ANOS1: variants seen among roughly 807,000 people sequenced by gnomAD.
The protein encoded by ANOS1 is anosmin-1.
Under a neutral mutation model 59.0 loss-of-function variants are expected in ANOS1, and 6 were observed. That is an observed-to-expected ratio of 0.10 (90% confidence interval 0.06 to 0.20). The LOEUF (loss-of-function observed/expected upper bound fraction) is 0.20, where lower values mean the gene tolerates loss of function less well. Ranked by LOEUF, ANOS1 falls within the 10% of genes least tolerant of loss-of-function variation. ANOS1 has a pLI of 1.00. For missense variants in ANOS1, 433 were observed against 542.3 expected (o/e 0.80, Z 2.00); for synonymous variants, 217 against 223.4 (o/e 0.97, Z 0.25).
chrX:8,566,191 C>G, intron 8 of ANOS1: 18 of 752,460 alleles, frequency 2.4e-5, no homozygotes, highest in Non-Finnish European at 2.8e-5. Context: ...ATTTCTGCTT[C>G]CACTGTTTCC....
At position 8,611,074 on chromosome X, in the gene ANOS1, C is replaced by T. The variant is rs191804303; in HGVS notation, c.318+12534G>A. On this transcript the variant is annotated intron_variant, in intron 3 of 13. Transcript: ENST00000262648. ...ACTAATATAAATATGCTCCATATGC[C>T]CAGGAATGTAGAGGAAAACATGGAC... Among the ~76,000 whole-genome samples, 328 of 110,105 alleles carry T rather than the reference C, an allele frequency of 3.0e-3. 1 individual carries two copies. Among genetic ancestry groups the T allele is most frequent in the African/African-American group, 0.01 (318 of 30,317 alleles).
chrX:8,584,407 TTTGTTTG>T (rs1210025064), intron 6 of ANOS1, among the ~76,000 whole-genome samples: 2 of 107,764 alleles, frequency 1.9e-5, no homozygotes, highest in Non-Finnish European at 3.8e-5. Flanking sequence ...AAAAAAGTGT[TTTGTTTG>T]TTTGTTTGTT....
At chrX:8,615,064 T>C (rs1312014303) in intron 3 of ANOS1, among the ~76,000 whole-genome samples, 1 of 110,315 alleles carries the variant, frequency 9.1e-6, no homozygotes, top group Non-Finnish European at 1.9e-5. Context: ...ATTTCCACTT[T>C]ACTACTACTA....
At chrX:8,594,658 G>GCA (rs1930682998) in intron 4 of ANOS1, among the ~76,000 whole-genome samples, 2 of 33,576 alleles carry the variant, frequency 6.0e-5, no homozygotes, top group African/African-American at 2.6e-4. Flanking sequence ...ATATATATGT[G>GCA]TATATATATA....
chrX:8,558,057 C>T (rs1364465862), intron 8 of ANOS1, among the ~76,000 whole-genome samples: 8 of 109,542 alleles, frequency 7.3e-5, no homozygotes. Flanking sequence ...CAATTCTCAG[C>T]AAACTAACGC....
At chrX:8,684,448 C>T (rs765755298) in intron 2 of ANOS1, among the ~76,000 whole-genome samples, 1 of 111,253 alleles carries the variant, frequency 9.0e-6, no homozygotes, top group Non-Finnish European at 1.9e-5. Flanking sequence ...TCCCCAGAGT[C>T]GGTACACTGT....
intron 6 of ANOS1, among the ~76,000 whole-genome samples, chrX:8,583,328 T>C (rs1480918157): frequency 8.9e-6 from 1 of 111,768 alleles, no homozygotes; most frequent in Admixed American, 9.5e-5. Context: ...ATTCTAAAAC[T>C]AGATGATGGT....
chrX:8,585,165 T>TACA lies in ANOS1; in HGVS notation c.856+101_856+102insTGT, dbSNP rs1196827377. 3.2e-6 allele frequency: 3 copies of TACA among 945,107 alleles called. No individual in the cohort carries two copies. In the African/African-American group the frequency reaches 5.8e-5, roughly 18 times the overall value. The allele number at this position is 945,107 out of a possible 1,213,427, so 77.9% of individuals were successfully genotyped here. ...TCTCTAAAACAGCAAAGCCACCTGT[T>TACA]GACTAACTATAAATATGAACATAGA... On this transcript the variant is annotated intron_variant, in intron 6 of 13. Transcript: ENST00000262648.
intron 4 of ANOS1, among the ~76,000 whole-genome samples, chrX:8,588,663 C>T (rs1930564340): frequency 8.9e-6 from 1 of 112,118 alleles, no homozygotes; most frequent in African/African-American, 3.2e-5. Context: ...GAGTGTGCTG[C>T]TTCAAAAGTT....
rs766699880 is a variant in ANOS1, at chrX:8,539,685, C to A, written c.1428G>T (p.Glu476Asp). The A allele has an allele frequency of 1.4e-5, 17 of 1,209,571 alleles. No homozygotes were observed. Among genetic ancestry groups the A allele is most frequent in the Admixed American group, 8.8e-5 (4 of 45,638 alleles). The change falls in exon 10 of 14, where the codon GAG becomes GAT. Residue 476 changes from glutamate to aspartate, a missense_variant. Physicochemically the swap from Glu to Asp is conservative, Grantham distance 45 (BLOSUM62 2). Transcript: ENST00000262648. ...ACAHNRTTGS[E>D]ASSGMTHENY... ...TTACGTGGGTCATGCCAGATGATGC[C>A]TCTGATCCGGTTGTTCTGTTGTGGG...
intron 8 of ANOS1, among the ~76,000 whole-genome samples, chrX:8,561,607 G>T (rs112640682): frequency 0.01 from 1,093 of 107,835 alleles, 16 homozygotes; most frequent in African/African-American, 0.034. Flanking sequence ...GAGCCACCGC[G>T]CCCAGCCGGC....
Position 8,534,047 on chromosome X carries a change from G to A in ANOS1, c.1984+272C>T, listed in dbSNP as rs56051736. Among the ~76,000 whole-genome samples the A allele has an allele frequency of 0.078, 8,392 of 107,688 alleles. 431 individuals carry two copies. Among genetic ancestry groups the A allele is most frequent in the Admixed American group, 0.24 (2,383 of 9,838 alleles). The allele number at this position is 107,688 out of a possible 115,157, so 93.5% of individuals were successfully genotyped here. On this transcript the variant is annotated intron_variant, in intron 13 of 13. Coordinates refer to ENST00000262648, the MANE Select transcript of ANOS1 (RefSeq NM_000216.4). The stretch of plus-strand genomic sequence containing the variant: ...GAGAGAGGATGGAGAAAGGAAACAA[G>A]GAAGGAGCAAAGAAAGGGAGAAAAG...
chrX:8,582,440 T>G (rs763597120), intron 6 of ANOS1, among the ~76,000 whole-genome samples: 3 of 111,338 alleles, frequency 2.7e-5, no homozygotes, highest in South Asian at 3.8e-4. Context: ...GAGCCTAGCA[T>G]GTTGAGCAGG....
intron 2 of ANOS1, among the ~76,000 whole-genome samples, chrX:8,693,272 A>C (rs1444240059): frequency 9.0e-6 from 1 of 111,730 alleles, no homozygotes; most frequent in Non-Finnish European, 1.9e-5. Flanking sequence ...GATATTCCTA[A>C]ATATTCTCTC....
chrX:8,530,904 G>C lies in ANOS1; in HGVS notation c.*2091C>G, dbSNP rs762236639. On this transcript the variant is annotated 3_prime_UTR_variant, in exon 14 of 14. Transcript: ENST00000262648. ...TGAAATTTTAAGAACTTGAAATTCA[G>C]ATGCTGGTAATGACACCAGAATAAA... 4.2e-4 allele frequency: 47 copies of C among 110,682 alleles called. No individual in the cohort carries two copies. The highest frequency in any genetic ancestry group is 7.4e-4 in the Non-Finnish European group (39 of 52,900). 9.1% of individuals were successfully genotyped at this position (110,682 alleles called of 1,213,427 possible). A position where few individuals can be genotyped will look rare whatever the true frequency, so the allele number is the denominator to read the frequency against.
chrX:8,662,239 G>C (rs1309562726), intron 2 of ANOS1, among the ~76,000 whole-genome samples: 1 of 111,696 alleles, frequency 9.0e-6, no homozygotes, highest in African/African-American at 3.3e-5. Flanking sequence ...ATGGCTTCAA[G>C]GGTGAGCAAA....
intron 2 of ANOS1, among the ~76,000 whole-genome samples, chrX:8,679,855 T>C (rs976384547): frequency 1.8e-5 from 2 of 111,370 alleles, no homozygotes; most frequent in Non-Finnish European, 3.8e-5. Context: ...TAAACCACAC[T>C]TTGAGTAGCA....
intron 2 of ANOS1, among the ~76,000 whole-genome samples, chrX:8,646,902 C>CAG (rs57885846): frequency 0.04 from 4,041 of 102,018 alleles, 131 homozygotes; most frequent in South Asian, 0.13. Context: ...CACTGCACTC[C>CAG]ACCCTGGGCT....
chrX:8,567,954 ACAGT>A lies in ANOS1; in HGVS notation c.1207+274_1207+277del, dbSNP rs771089816. ...ATGTGCACGTCATGTAAACATAAAA[ACAGT>A]CAATCTGTTAAAATGAGACACAATA... On this transcript the variant is annotated intron_variant, in intron 8 of 13. Coordinates refer to ENST00000262648, the MANE Select transcript of ANOS1 (RefSeq NM_000216.4). Among the ~76,000 whole-genome samples, 298 of 112,665 alleles carry A rather than the reference ACAGT, an allele frequency of 2.6e-3. 1 individual carries two copies. Among genetic ancestry groups the A allele is most frequent in the Non-Finnish European group, 4.4e-3 (235 of 53,320 alleles).
Sources: gnomAD v4.1 joint callset for allele counts (sites outside exome capture counted in the v4.1 genomes callset) on GRCh38, gnomAD v4.1.1 for gene constraint, MANE v1.5 for transcripts, NCBI Gene and HGNC (gene_info 2026-07-23, HGNC 2026-07-21) for gene names.